The following UTP4 variants were observed in gnomAD, a reference collection of about 807,000 sequenced individuals.
The protein encoded by UTP4 is UTP4 small subunit processome component.
UTP4 carries 45 observed loss-of-function variants against 82.4 expected under a neutral mutation model. That is an observed-to-expected ratio of 0.55 (90% confidence interval 0.43 to 0.70). The LOEUF (loss-of-function observed/expected upper bound fraction) is 0.70, where lower values mean the gene tolerates loss of function less well. Ranked by LOEUF, UTP4 falls within the 30% of genes least tolerant of loss-of-function variation. The probability of loss-of-function intolerance (pLI) is 0.00; values close to 1 mark genes in which losing one functional copy is unlikely to be tolerated. For synonymous variants in UTP4, 348 were observed against 300.3 expected (o/e 1.16, Z -1.64); for missense variants, 819 against 858.3 (o/e 0.95, Z 0.57).
chr16:69,166,203 C>A, intron 15 of UTP4: 1 of 163,612 alleles, frequency 6.1e-6, no homozygotes, highest in Admixed American at 5.8e-5. Context: ...GCCTGTCCTG[C>A]ACTTTGGGCT....
chr16:69,153,379 G>T (rs1401281254), intron 8 of UTP4, among the ~76,000 whole-genome samples: 1 of 152,176 alleles, frequency 6.6e-6, no homozygotes, highest in Admixed American at 6.5e-5. Context: ...TTAGAAGCAT[G>T]TTGAGAGCAG....
At chr16:69,133,117 A>G in intron 1 of UTP4, 1 of 332,268 alleles carries the variant, frequency 3.0e-6, no homozygotes. Context: ...CACTGTCACT[A>G]CCTCAGTTTA....
chr16:69,154,077 A>G (rs1963346848), intron 9 of UTP4, among the ~76,000 whole-genome samples: 1 of 152,108 alleles, frequency 6.6e-6, no homozygotes, highest in Admixed American at 6.6e-5. Flanking sequence ...GGCCTTTTTG[A>G]CTTATTAAGG....
rs150182351 is a variant in UTP4 at position 69,150,644 on chromosome 16, G to T, written c.846G>T (p.Pro282=). The change falls in exon 7 of 17, where the codon CCG becomes CCT. Residue 282 remains proline, a synonymous_variant. Coordinates refer to ENST00000314423, the MANE Select transcript of UTP4 (RefSeq NM_032830.3). ...AGAAGCAGTGGGTGCGGACAAAACC[G>T]TTCCAGCATCACACTCATGACGTGC... is the stretch of plus-strand genomic sequence containing the variant. The part of the protein sequence containing the change: ...SSEKQWVRTK[P]FQHHTHDVRT... The T allele has an allele frequency of 6.2e-7, 1 of 1,614,214 alleles. No homozygotes were observed. The highest frequency in any genetic ancestry group is 1.1e-5 in the South Asian group (1 of 91,086).
At chr16:69,154,354 C>T in intron 9 of UTP4, 39 bp from the exon 10 acceptor site, 1 of 1,500,386 alleles carries the variant, frequency 6.7e-7, no homozygotes, top group Non-Finnish European at 9.3e-7. Context: ...AATACTCTTT[C>T]TTTCATAAGA....
chr16:69,138,588 A>C (rs1323894509), intron 4 of UTP4, among the ~76,000 whole-genome samples: 1 of 152,170 alleles, frequency 6.6e-6, no homozygotes, highest in African/African-American at 2.4e-5. Context: ...TGAATGAGGG[A>C]GTTTATAAAC....
At chr16:69,162,762 G>A (rs1350385544) in intron 13 of UTP4, among the ~76,000 whole-genome samples, 2 of 150,648 alleles carry the variant, frequency 1.3e-5, no homozygotes, top group Non-Finnish European at 3.0e-5. Context: ...GGTGGTAGGC[G>A]CCTGTAATCC....
At chr16:69,135,345 A>G (rs1032380033) in intron 2 of UTP4, among the ~76,000 whole-genome samples, 2 of 151,946 alleles carry the variant, frequency 1.3e-5, no homozygotes, top group Admixed American at 1.3e-4. Flanking sequence ...TGCTTTCCCT[A>G]TATTCCCTTT....
At chr16:69,148,250 C>G (rs539350960) in intron 6 of UTP4, among the ~76,000 whole-genome samples, 21 of 151,090 alleles carry the variant, frequency 1.4e-4, no homozygotes, top group Non-Finnish European at 2.8e-4. Context: ...CGTGAGCCAC[C>G]GTGCCCAGCC....
intron 2 of UTP4, among the ~76,000 whole-genome samples, chr16:69,134,375 C>G (rs1039942055): frequency 1.3e-5 from 2 of 151,942 alleles, no homozygotes; most frequent in African/African-American, 4.8e-5. Flanking sequence ...AGACAAATGT[C>G]AGAGGCCCTA....
chr16:69,168,672 AG>A (rs1963763801), intron 16 of UTP4, 148 bp from the exon 17 acceptor site: 2 of 710,938 alleles, frequency 2.8e-6, no homozygotes, highest in Non-Finnish European at 5.1e-6. Flanking sequence ...TTTGAGTCCC[AG>A]GGCAGGAAAG....
At chr16:69,147,901 G>T in intron 6 of UTP4, among the ~76,000 whole-genome samples, 1 of 151,982 alleles carries the variant, frequency 6.6e-6, no homozygotes, top group Non-Finnish European at 1.5e-5. Flanking sequence ...TTTTTAGCTG[G>T]GACTACAGGC....
At chr16:69,150,164 G>T (rs549007280) in intron 6 of UTP4, among the ~76,000 whole-genome samples, 1 of 152,012 alleles carries the variant, frequency 6.6e-6, no homozygotes, top group African/African-American at 2.4e-5. Context: ...TTAAATATTC[G>T]TATTAAATAA....
chr16:69,160,107 CTT>C (rs1963525442), intron 12 of UTP4, among the ~76,000 whole-genome samples: 2 of 152,140 alleles, frequency 1.3e-5, no homozygotes, highest in East Asian at 3.8e-4. Context: ...TAAGCAGTGT[CTT>C]AGGCCTGAGG....
intron 15 of UTP4, chr16:69,166,859 TC>T: frequency 1.8e-6 from 1 of 570,008 alleles, no homozygotes; most frequent in Non-Finnish European, 3.1e-6. Flanking sequence ...CAGCTCTTTC[TC>T]CCTCTCTCTC....
At chr16:69,152,236 T>C (rs1431319348) in intron 8 of UTP4, among the ~76,000 whole-genome samples, 1 of 151,950 alleles carries the variant, frequency 6.6e-6, no homozygotes, top group African/African-American at 2.4e-5. Flanking sequence ...TGTCCTTTTA[T>C]TTGCATTTGT....
At chr16:69,157,269 G>A in intron 12 of UTP4, 29 bp downstream of exon 12, 2 of 1,612,030 alleles carry the variant, frequency 1.2e-6, no homozygotes, top group Non-Finnish European at 1.7e-6. Flanking sequence ...GCCATGGGGA[G>A]ACTTGTCGTG....
At chr16:69,144,323 G>A (rs912427574) in intron 6 of UTP4, among the ~76,000 whole-genome samples, 5 of 151,772 alleles carry the variant, frequency 3.3e-5, no homozygotes, top group African/African-American at 1.2e-4. Context: ...CTCAGCCTCC[G>A]AAGTAGGTGA....
At chr16:69,164,467 C>T (rs922875295) in intron 14 of UTP4, among the ~76,000 whole-genome samples, 2 of 151,710 alleles carry the variant, frequency 1.3e-5, no homozygotes, top group Non-Finnish European at 2.9e-5. Flanking sequence ...TATAGGGAAA[C>T]AGTACTCTCA....
Sources: allele counts gnomAD v4.1 joint callset (sites outside exome capture counted in the v4.1 genomes callset), GRCh38; gene constraint gnomAD v4.1.1; transcripts MANE v1.5; gene names NCBI Gene and HGNC (gene_info 2026-07-23, HGNC 2026-07-21).